The following FNBP4 variants were observed in gnomAD, a reference collection of about 807,000 sequenced individuals.
FNBP4 encodes formin-binding protein 4.
FNBP4 carries 34 observed loss-of-function variants against 119.3 expected under a neutral mutation model. The ratio of observed to expected loss-of-function variants is 0.28; its 90% CI spans 0.22 to 0.38. The LOEUF (loss-of-function observed/expected upper bound fraction) is 0.38. FNBP4 is among the 10% of genes least tolerant of loss of function. The pLI is 1.00. For missense variants in FNBP4, 1,112 were observed against 1,228.9 expected (o/e 0.90, Z 1.42); for synonymous variants, 462 against 430.6 (o/e 1.07, Z -0.90).
At position 47,732,442 on chromosome 11, in the gene FNBP4, C is replaced by T. The variant is rs148348959; in HGVS notation, c.1820+95G>A. On this transcript the variant is annotated intron_variant, in intron 11 of 16. Coordinates refer to ENST00000263773, the MANE Select transcript of FNBP4 (RefSeq NM_015308.5). The surrounding 1 kb of genome is among the most constrained non-coding windows in gnomAD (Gnocchi z 4.2). ...ACCGCTAACTGCAGCTGCTCTCAGTCTCCAGACAGGCTGTCATGTCGTCAG... is the reference window on the plus strand; with the variant it reads ...ACCGCTAACTGCAGCTGCTCTCAGTTTCCAGACAGGCTGTCATGTCGTCAG... 7.4e-3 allele frequency: 11,647 copies of T among 1,577,760 alleles called. 55 individuals are homozygous for T. Among genetic ancestry groups the T allele is most frequent in the Non-Finnish European group, 9.1e-3 (10,578 of 1,159,814 alleles).
intron 16 of FNBP4, 78 bp from the exon 17 acceptor site, chr11:47,717,590 T>A: frequency 9.2e-7 from 1 of 1,088,600 alleles, no homozygotes; most frequent in Non-Finnish European, 1.4e-6. Context: ...AATAAAAATC[T>A]AACTGAAATT....
At chr11:47,762,891 C>G (rs573833956) in intron 2 of FNBP4, among the ~76,000 whole-genome samples, 1 of 123,430 alleles carries the variant, frequency 8.1e-6, no homozygotes, top group African/African-American at 3.0e-5. Flanking sequence ...GCCTGGGCAA[C>G]AGAGACTCTG....
intron 7 of FNBP4, among the ~76,000 whole-genome samples, chr11:47,744,614 G>A (rs962145236): frequency 6.6e-6 from 1 of 152,058 alleles, no homozygotes; most frequent in Non-Finnish European, 1.5e-5. Context: ...TGGGTACATA[G>A]TAAGTGTATA....
intron 6 of FNBP4, among the ~76,000 whole-genome samples, chr11:47,748,304 C>T (rs937136765): frequency 2.3e-4 from 35 of 151,310 alleles, no homozygotes; most frequent in Non-Finnish European, 4.4e-5. Flanking sequence ...ATGAACTATT[C>T]CTGAAATGAA....
At chr11:47,761,449 G>T (rs940183171) in intron 2 of FNBP4, among the ~76,000 whole-genome samples, 2 of 152,054 alleles carry the variant, frequency 1.3e-5, no homozygotes, top group Admixed American at 1.3e-4. Context: ...AAAATTAGCT[G>T]GGGATGGTGG....
intron 6 of FNBP4, among the ~76,000 whole-genome samples, chr11:47,749,344 C>T (rs1019771307): frequency 6.6e-6 from 1 of 151,006 alleles, no homozygotes; most frequent in Non-Finnish European, 1.5e-5. Context: ...AGGTGGATCA[C>T]TTGAGGTCAG....
intron 12 of FNBP4, chr11:47,729,378 A>G (rs886961908): frequency 2.0e-6 from 2 of 985,396 alleles, no homozygotes; most frequent in East Asian, 1.1e-4. Flanking sequence ...CATCTTTAGA[A>G]TCCACTCCAT....
intron 16 of FNBP4, among the ~76,000 whole-genome samples, chr11:47,718,902 C>G (rs929380422): frequency 1.2e-4 from 17 of 141,624 alleles, no homozygotes; most frequent in African/African-American, 4.4e-4. Context: ...GCCCACCCAA[C>G]ATGTTTTTTT....
intron 8 of FNBP4, among the ~76,000 whole-genome samples, chr11:47,741,276 C>T (rs958527715): frequency 2.0e-5 from 3 of 151,598 alleles, no homozygotes; most frequent in African/African-American, 7.3e-5. Context: ...CTCAAGCTAT[C>T]TTCCTCCCTC....
At chr11:47,761,443 T>C (rs2097634270) in intron 2 of FNBP4, among the ~76,000 whole-genome samples, 1 of 151,948 alleles carries the variant, frequency 6.6e-6, no homozygotes, top group Non-Finnish European at 1.5e-5. Flanking sequence ...AAATATAAAA[T>C]TAGCTGGGGA....
At chr11:47,755,000 A>G (rs1174452697) in intron 2 of FNBP4, among the ~76,000 whole-genome samples, 1 of 151,916 alleles carries the variant, frequency 6.6e-6, no homozygotes, top group East Asian at 1.9e-4. Context: ...AAAATTAGCC[A>G]GGCCTGGTAG....
chr11:47,758,744 A>C (rs993623961), intron 2 of FNBP4, among the ~76,000 whole-genome samples: 19 of 151,558 alleles, frequency 1.3e-4, no homozygotes, highest in Admixed American at 3.9e-4. Context: ...CTGTAATCCC[A>C]GCTACTCAGG....
chr11:47,758,807 T>C (rs1392438661), intron 2 of FNBP4, among the ~76,000 whole-genome samples: 1 of 151,060 alleles, frequency 6.6e-6, no homozygotes, highest in African/African-American at 2.4e-5. Flanking sequence ...TGCAGTGAGC[T>C]GAGATCACGT....
At chr11:47,717,757 T>C (rs1035827979) in intron 16 of FNBP4, among the ~76,000 whole-genome samples, 2 of 152,310 alleles carry the variant, frequency 1.3e-5, no homozygotes, top group East Asian at 1.9e-4. Flanking sequence ...TATTTATTAT[T>C]GACTGATTGA....
chr11:47,767,232 C>G lies in FNBP4; in HGVS notation c.57G>C (p.Pro19=). 6.4e-7 allele frequency: 1 copy of G among 1,569,890 alleles called. No individual in the cohort carries two copies. ...CCGGCGTGCTGCCCCGAGGACCCGG[C>G]GGAGAGAGTTGCAGGATGGGCCTAC... ...PGRRPILQLS[P]PGPRGSTPGR... is the part of the protein sequence containing the mutation. Residue 19 remains proline, a synonymous_variant, in exon 1 of 17, where the codon CCG becomes CCC. Coordinates refer to ENST00000263773, the MANE Select transcript of FNBP4 (RefSeq NM_015308.5).
At chr11:47,740,181 G>A (rs1457622971) in intron 8 of FNBP4, among the ~76,000 whole-genome samples, 2 of 151,960 alleles carry the variant, frequency 1.3e-5, no homozygotes, top group African/African-American at 2.4e-5. Flanking sequence ...TTGGGAGGCA[G>A]AGACGGGCGG....
At position 47,732,187 on chromosome 11, in the gene FNBP4, G is replaced by A. The variant is rs2097568218; in HGVS notation, c.1820+350C>T. 12 of 1,035,686 alleles carry A rather than the reference G, an allele frequency of 1.2e-5. No homozygotes were observed. Among genetic ancestry groups the A allele is most frequent in the South Asian group, 4.5e-5 (1 of 22,444 alleles). The allele number at this position is 1,035,686 out of a possible 1,614,324, so 64.2% of individuals were successfully genotyped here. A position where few individuals can be genotyped will look rare whatever the true frequency, so the allele number is the denominator to read the frequency against. Reference sequence around the variant, plus strand: ...CCACGAAGTTTTCCTTAACTTCACCGAGGTTAATCAGGAGTAGTTGCTTCC... The same window carrying A: ...CCACGAAGTTTTCCTTAACTTCACCAAGGTTAATCAGGAGTAGTTGCTTCC... On this transcript the variant is annotated intron_variant, in intron 11 of 16. Transcript: ENST00000263773. This position sits in a 1 kb window ranked among gnomAD's most constrained non-coding sequence, Gnocchi z 4.2.
chr11:47,724,432 T>C lies in FNBP4; in HGVS notation c.2319+36A>G, dbSNP rs1344577694. ...CATGGTGTCAATCATGTTCCAGTCC[T>C]CAAAATCACTCAGAATGCCAAAGGG... On this transcript the variant is annotated intron_variant, in intron 13 of 16. Transcript: ENST00000263773. 8 of 1,613,744 alleles carry C rather than the reference T, an allele frequency of 5.0e-6. No homozygotes were observed. The Admixed American group carries it at 8.3e-5, about 17-fold the overall frequency.
chr11:47,734,635 G>T (rs2097571481), intron 9 of FNBP4, among the ~76,000 whole-genome samples: 1 of 152,090 alleles, frequency 6.6e-6, no homozygotes, highest in African/African-American at 2.4e-5. Context: ...GGAGACAGGG[G>T]AATATGGGGA....
Sources: gnomAD v4.1 joint callset for allele counts (sites outside exome capture counted in the v4.1 genomes callset) on GRCh38, gnomAD v4.1.1 for gene constraint, Gnocchi (gnomAD v3.1) non-coding constraint, MANE v1.5 for transcripts, NCBI Gene and HGNC (gene_info 2026-07-23, HGNC 2026-07-21) for gene names.